Variants in FSTL5 observed in about 807,000 individuals in gnomAD.
FSTL5 encodes follistatin-related protein 5.
FSTL5 carries 62 observed loss-of-function variants against 89.1 expected under a neutral mutation model. That is an observed-to-expected ratio of 0.70 (90% CI 0.57 to 0.86). The LOEUF (loss-of-function observed/expected upper bound fraction) is 0.86, where lower values mean the gene tolerates loss of function less well. Among genes scored for constraint, FSTL5 ranks in the 40% least tolerant of loss-of-function variants. The pLI, the probability that FSTL5 is intolerant of heterozygous loss-of-function variation, is 0.00. For missense variants in FSTL5, 1,057 were observed against 1,001.6 expected (o/e 1.06, Z -0.75); for synonymous variants, 383 against 346.2 (o/e 1.11, Z -1.18).
chr4:161,642,640 T>G (rs867386046), intron 7 of FSTL5, among the ~76,000 whole-genome samples: 6 of 152,162 alleles, frequency 3.9e-5, no homozygotes, highest in Admixed American at 1.3e-4. Context: ...TACAACTAAA[T>G]ACTTACATTT....
At chr4:161,423,531 T>C (rs2126319218) in intron 15 of FSTL5, among the ~76,000 whole-genome samples, 1 of 152,292 alleles carries the variant, frequency 6.6e-6, no homozygotes, top group African/African-American at 2.4e-5. Flanking sequence ...TCTTCATATC[T>C]TTTATTTTTT....
chr4:161,781,231 C>A (rs766586136), intron 4 of FSTL5, among the ~76,000 whole-genome samples: 4 of 151,426 alleles, frequency 2.6e-5, no homozygotes, highest in African/African-American at 9.7e-5. Flanking sequence ...GAATCAAATT[C>A]AATGTGGAAA....
intron 4 of FSTL5, among the ~76,000 whole-genome samples, chr4:161,819,554 T>G (rs138785589): frequency 6.6e-6 from 1 of 152,020 alleles, no homozygotes; most frequent in African/African-American, 2.4e-5. Context: ...GAAATAGACA[T>G]AGAGTGTGAC....
At chr4:161,428,244 C>G (rs79874490) in intron 15 of FSTL5, among the ~76,000 whole-genome samples, 1,670 of 152,272 alleles carry the variant, frequency 0.011, 14 homozygotes, top group Non-Finnish European at 0.018. Flanking sequence ...CTCACCCCCA[C>G]GGGCTAAAGG....
intron 15 of FSTL5, among the ~76,000 whole-genome samples, chr4:161,436,803 G>T (rs1732574707): frequency 6.6e-6 from 1 of 152,118 alleles, no homozygotes; most frequent in Non-Finnish European, 1.5e-5. Flanking sequence ...ATCAGCTCTT[G>T]CTTGCAATAG....
intron 8 of FSTL5, among the ~76,000 whole-genome samples, chr4:161,562,570 C>T (rs1732643165): frequency 6.6e-6 from 1 of 151,700 alleles, no homozygotes; most frequent in East Asian, 1.9e-4. Context: ...TAAGTTTACT[C>T]TTAATTACCT....
At chr4:161,406,056 A>T (rs760757105) in intron 15 of FSTL5, among the ~76,000 whole-genome samples, 1 of 152,210 alleles carries the variant, frequency 6.6e-6, no homozygotes, top group Admixed American at 6.5e-5. Flanking sequence ...TGAAGTAAAA[A>T]GACACTAGAT....
intron 6 of FSTL5, among the ~76,000 whole-genome samples, chr4:161,738,491 C>T (rs1477731500): frequency 6.6e-6 from 1 of 151,704 alleles, no homozygotes; most frequent in Non-Finnish European, 1.5e-5. Context: ...TTCAAAAAAG[C>T]AATTGAAAAA....
At chr4:161,972,096 C>A (rs886444792) in intron 3 of FSTL5, among the ~76,000 whole-genome samples, 3 of 151,960 alleles carry the variant, frequency 2.0e-5, no homozygotes, top group African/African-American at 4.8e-5. Flanking sequence ...CTGTGATGTG[C>A]TTCTTTTTCT....
intron 8 of FSTL5, among the ~76,000 whole-genome samples, chr4:161,558,426 T>C (rs566723453): frequency 6.6e-6 from 1 of 151,868 alleles, no homozygotes; most frequent in Non-Finnish European, 1.5e-5. Flanking sequence ...TATCTCAAAA[T>C]TAAAAAGTGT....
At chr4:161,407,679 C>T (rs918615064) in intron 15 of FSTL5, among the ~76,000 whole-genome samples, 2 of 152,166 alleles carry the variant, frequency 1.3e-5, no homozygotes, top group Non-Finnish European at 2.9e-5. Flanking sequence ...TCAGCTCTAG[C>T]CCCAGCTAAC....
intron 3 of FSTL5, among the ~76,000 whole-genome samples, chr4:161,984,476 C>T (rs2119325): frequency 0.87 from 132,786 of 152,096 alleles, 58,419 homozygotes; most frequent in East Asian, 0.96. Context: ...TAAATCTCGA[C>T]GAGAAGGTAT....
chr4:161,831,954 A>G (rs1730859533), intron 4 of FSTL5, among the ~76,000 whole-genome samples: 1 of 152,014 alleles, frequency 6.6e-6, no homozygotes, highest in South Asian at 2.1e-4. Flanking sequence ...TAAGTGATTC[A>G]GATACTAATA....
chr4:161,590,677 A>T (rs1733782808), intron 7 of FSTL5, among the ~76,000 whole-genome samples: 1 of 152,226 alleles, frequency 6.6e-6, no homozygotes, highest in Admixed American at 6.5e-5. Flanking sequence ...AGGATATGCA[A>T]ATAAAAACCT....
intron 1 of FSTL5, among the ~76,000 whole-genome samples, chr4:162,127,873 A>G (rs1732145648): frequency 6.6e-6 from 1 of 152,196 alleles, no homozygotes; most frequent in Admixed American, 6.5e-5. Flanking sequence ...GAAGATCATT[A>G]ATGGAATACA....
chr4:161,419,366 T>A (rs75477086), intron 15 of FSTL5, among the ~76,000 whole-genome samples: 2,650 of 152,178 alleles, frequency 0.017, 77 homozygotes, highest in African/African-American at 0.059. Context: ...TTGCATAGCA[T>A]TTTAAAAATA....
At chr4:161,531,930 C>T (rs1037839868) in intron 10 of FSTL5, among the ~76,000 whole-genome samples, 5 of 152,048 alleles carry the variant, frequency 3.3e-5, no homozygotes, top group Admixed American at 6.6e-5. Context: ...GAGGGCCGGG[C>T]GTGGTGGCTC....
At chr4:161,787,498 T>C (rs1225513896) in intron 4 of FSTL5, among the ~76,000 whole-genome samples, 1 of 152,120 alleles carries the variant, frequency 6.6e-6, no homozygotes, top group East Asian at 1.9e-4. Context: ...GAAACATTGA[T>C]TAGTTTGGTG....
chr4:162,092,810 G>A (rs141246273), intron 2 of FSTL5, among the ~76,000 whole-genome samples: 37 of 151,628 alleles, frequency 2.4e-4, no homozygotes, highest in African/African-American at 6.8e-4. Flanking sequence ...TTAGCCAGCC[G>A]TGGTGGTGCG....
Sources: allele counts gnomAD v4.1 joint callset (sites outside exome capture counted in the v4.1 genomes callset), GRCh38; gene constraint gnomAD v4.1.1; transcripts MANE v1.5; gene names NCBI Gene and HGNC (gene_info 2026-07-23, HGNC 2026-07-21).